Variants in MAGI1 observed in about 807,000 individuals in gnomAD.
The protein encoded by MAGI1 is membrane associated guanylate kinase, WW and PDZ domain containing 1.
In MAGI1, 58 loss-of-function variants were observed where a neutral mutation model predicts 139.9. The ratio of observed to expected loss-of-function variants is 0.41; its 90% CI spans 0.34 to 0.52. The LOEUF (loss-of-function observed/expected upper bound fraction) is 0.52. MAGI1 is among the 20% of genes least tolerant of loss of function. MAGI1 has a pLI of 0.12. For synonymous variants in MAGI1, 812 were observed against 737.9 expected (o/e 1.10, Z -1.63); for missense variants, 1,874 against 1,901.6 (o/e 0.99, Z 0.27).
intron 4 of MAGI1, among the ~76,000 whole-genome samples, chr3:65,471,146 G>A (rs1291213603): frequency 6.6e-6 from 1 of 152,124 alleles, no homozygotes; most frequent in Non-Finnish European, 1.5e-5. Flanking sequence ...ACAGTATCAT[G>A]TGGGTGGACT....
chr3:65,773,518 G>C (rs1279113748), intron 1 of MAGI1, among the ~76,000 whole-genome samples: 1 of 152,154 alleles, frequency 6.6e-6, no homozygotes, highest in Non-Finnish European at 1.5e-5. Flanking sequence ...ATGCAACAGA[G>C]CAAGACACTG....
intron 1 of MAGI1, among the ~76,000 whole-genome samples, chr3:65,639,040 C>A (rs1226165015): frequency 6.6e-6 from 1 of 152,224 alleles, no homozygotes; most frequent in Non-Finnish European, 1.5e-5. Context: ...TGAGCCACTG[C>A]ATGCTGCCCA....
chr3:65,797,540 T>C (rs908159830), intron 1 of MAGI1, among the ~76,000 whole-genome samples: 5 of 151,966 alleles, frequency 3.3e-5, no homozygotes, highest in Admixed American at 3.3e-4. Context: ...CTGGGCAACA[T>C]GGCAAAACCC....
chr3:65,618,605 A>G (rs184914237), intron 2 of MAGI1, among the ~76,000 whole-genome samples: 71 of 152,152 alleles, frequency 4.7e-4, no homozygotes, highest in Admixed American at 2.3e-3. Flanking sequence ...CTGTTTGTAT[A>G]TTACTCTAAT....
At chr3:65,995,966 C>T (rs1433819721) in intron 1 of MAGI1, among the ~76,000 whole-genome samples, 3 of 152,088 alleles carry the variant, frequency 2.0e-5, no homozygotes, top group Non-Finnish European at 4.4e-5. Context: ...CCACTGTACT[C>T]TAGGCTGGGT....
intron 1 of MAGI1, among the ~76,000 whole-genome samples, chr3:65,773,604 A>G (rs1193200422): frequency 6.6e-6 from 1 of 152,138 alleles, no homozygotes; most frequent in Non-Finnish European, 1.5e-5. Context: ...CATAAGGTCT[A>G]TCCATATCAC....
chr3:65,506,018 A>G (rs1363044608), intron 2 of MAGI1, among the ~76,000 whole-genome samples: 1 of 152,204 alleles, frequency 6.6e-6, no homozygotes, highest in Non-Finnish European at 1.5e-5. Flanking sequence ...GAACTTAAAG[A>G]GTGAAATCAG....
At chr3:65,547,859 C>T (rs1472986851) in intron 2 of MAGI1, among the ~76,000 whole-genome samples, 1 of 152,154 alleles carries the variant, frequency 6.6e-6, no homozygotes, top group Non-Finnish European at 1.5e-5. Context: ...TATGTTCTAT[C>T]CCAGACTCAG....
intron 10 of MAGI1, among the ~76,000 whole-genome samples, chr3:65,433,956 G>C (rs1314592337): frequency 6.6e-6 from 1 of 152,142 alleles, no homozygotes; most frequent in African/African-American, 2.4e-5. Flanking sequence ...AATATGGCTA[G>C]TGAGACAGAA....
chr3:65,866,064 T>C (rs1425352745), intron 1 of MAGI1, among the ~76,000 whole-genome samples: 2 of 152,130 alleles, frequency 1.3e-5, no homozygotes, highest in Non-Finnish European at 2.9e-5. Flanking sequence ...TTTTGTAATG[T>C]AAACATATAA....
At chr3:65,678,849 C>T (rs991428405) in intron 1 of MAGI1, among the ~76,000 whole-genome samples, 4 of 152,212 alleles carry the variant, frequency 2.6e-5, no homozygotes, top group African/African-American at 9.6e-5. Context: ...TCCAGACATA[C>T]TTATTCTGTG....
intron 1 of MAGI1, among the ~76,000 whole-genome samples, chr3:65,679,930 A>G (rs1027382938): frequency 6.6e-6 from 1 of 152,222 alleles, no homozygotes; most frequent in African/African-American, 2.4e-5. Flanking sequence ...AAAGACTAGG[A>G]CTACTGTAGG....
chr3:65,777,392 A>C (rs1321476675), intron 1 of MAGI1, among the ~76,000 whole-genome samples: 2 of 152,198 alleles, frequency 1.3e-5, no homozygotes, highest in East Asian at 3.9e-4. Context: ...AAAAAAAGTA[A>C]GTACTGACAA....
Position 65,537,085 on chromosome 3 carries a change from A to G in MAGI1, c.431-43454T>C, listed in dbSNP as rs137900979. Among the ~76,000 whole-genome samples the G allele has an allele frequency of 1.1e-3, 174 of 152,300 alleles. 1 individual carries two copies. The highest frequency in any genetic ancestry group is 4.1e-3 in the African/African-American group (170 of 41,564). On this transcript the variant is annotated intron_variant, in intron 2 of 22. Transcript: ENST00000402939. ...GGATTGCACAGGCTCATAAAACTCA[A>G]GTCCTTTACAATATATCCCAACCTA...
chr3:65,547,897 C>T (rs1354228503), intron 2 of MAGI1, among the ~76,000 whole-genome samples: 1 of 152,090 alleles, frequency 6.6e-6, no homozygotes, highest in African/African-American at 2.4e-5. Flanking sequence ...AAACATACCA[C>T]ATGTTGAGAA....
At chr3:65,416,429 G>C (rs1396883939) in intron 12 of MAGI1, among the ~76,000 whole-genome samples, 1 of 152,166 alleles carries the variant, frequency 6.6e-6, no homozygotes, top group Admixed American at 6.5e-5. Context: ...GGGTCTATTA[G>C]AATTTTTCAT....
chr3:65,377,327 C>T (rs559414257), intron 17 of MAGI1, among the ~76,000 whole-genome samples: 2 of 152,272 alleles, frequency 1.3e-5, no homozygotes, highest in South Asian at 4.1e-4. Flanking sequence ...TAGTTGATCT[C>T]CAAGGACAAT....
intron 2 of MAGI1, among the ~76,000 whole-genome samples, chr3:65,509,723 G>A (rs1371272592): frequency 5.9e-5 from 9 of 152,090 alleles, no homozygotes; most frequent in Admixed American, 5.2e-4. Flanking sequence ...AACGAGGCTG[G>A]GGGAGGGGCG....
chr3:65,536,444 A>C (rs2078961424), intron 2 of MAGI1, among the ~76,000 whole-genome samples: 1 of 152,218 alleles, frequency 6.6e-6, no homozygotes, highest in Non-Finnish European at 1.5e-5. Context: ...AAAGATAATG[A>C]GCATTCTGGC....
Sources: gnomAD v4.1 joint callset for allele counts (sites outside exome capture counted in the v4.1 genomes callset) on GRCh38, gnomAD v4.1.1 for gene constraint, MANE v1.5 for transcripts, NCBI Gene and HGNC (gene_info 2026-07-23, HGNC 2026-07-21) for gene names.